Variants in ANKS1B observed in about 807,000 individuals in gnomAD.
The protein encoded by ANKS1B is ankyrin repeat and sterile alpha motif domain containing 1B.
Under a neutral mutation model 148.3 loss-of-function variants are expected in ANKS1B, and 36 were observed. The observed-to-expected ratio is 0.24, with a 90% CI of 0.19 to 0.32. ANKS1B has a LOEUF of 0.32. Among genes scored for constraint, ANKS1B ranks in the 10% least tolerant of loss-of-function variants. ANKS1B has a pLI of 1.00. For synonymous variants in ANKS1B, 542 were observed against 560.8 expected (o/e 0.97, Z 0.47); for missense variants, 1,157 against 1,542.6 (o/e 0.75, Z 4.19).
chr12:99,383,983 C>T (rs1593589554), intron 12 of ANKS1B, among the ~76,000 whole-genome samples: 2 of 152,022 alleles, frequency 1.3e-5, no homozygotes, highest in Admixed American at 1.3e-4. Flanking sequence ...GAGCTGTAAT[C>T]GTGCCACTGA....
At chr12:99,014,961 A>C (rs1342259012) in intron 17 of ANKS1B, among the ~76,000 whole-genome samples, 1 of 152,236 alleles carries the variant, frequency 6.6e-6, no homozygotes, top group Non-Finnish European at 1.5e-5. Context: ...CACTGTGGCC[A>C]TTCCTCAAAG....
intron 11 of ANKS1B, among the ~76,000 whole-genome samples, chr12:99,439,715 C>A (rs1003942299): frequency 6.6e-6 from 1 of 151,616 alleles, no homozygotes; most frequent in Admixed American, 6.6e-5. Context: ...AATGGAACAA[C>A]TTTTTTGGAA....
intron 25 of ANKS1B, among the ~76,000 whole-genome samples, chr12:98,765,247 G>T (rs1240192177): frequency 6.6e-6 from 1 of 152,142 alleles, no homozygotes; most frequent in South Asian, 2.1e-4. Flanking sequence ...TACAGATTAG[G>T]AAACTGAAGA....
intron 15 of ANKS1B, among the ~76,000 whole-genome samples, chr12:99,110,254 G>T (rs1238124145): frequency 6.6e-6 from 1 of 152,132 alleles, no homozygotes; most frequent in Non-Finnish European, 1.5e-5. Flanking sequence ...AGGAGTACTG[G>T]TCAATTATCC....
intron 17 of ANKS1B, among the ~76,000 whole-genome samples, chr12:99,025,975 C>T (rs776320400): frequency 6.6e-6 from 1 of 152,106 alleles, no homozygotes; most frequent in Non-Finnish European, 1.5e-5. Context: ...CCTTCAGTTC[C>T]CAGACCAATG....
At chr12:99,106,367 C>G (rs1566111223) in intron 15 of ANKS1B, among the ~76,000 whole-genome samples, 2 of 152,158 alleles carry the variant, frequency 1.3e-5, no homozygotes, top group African/African-American at 4.8e-5. Context: ...TGTTAAAATC[C>G]AGGGTTAGGA....
At chr12:99,478,541 G>T (rs896351869) in intron 10 of ANKS1B, among the ~76,000 whole-genome samples, 1 of 152,006 alleles carries the variant, frequency 6.6e-6, no homozygotes, top group Non-Finnish European at 1.5e-5. Flanking sequence ...CCAACTCATC[G>T]GGTATGCAAC....
chr12:99,129,555 G>A (rs1016968280), intron 15 of ANKS1B, among the ~76,000 whole-genome samples: 1 of 152,176 alleles, frequency 6.6e-6, no homozygotes, highest in African/African-American at 2.4e-5. Context: ...TGTAGGCCAA[G>A]GCTCAGTCTT....
At chr12:99,421,259 A>G (rs2095071634) in intron 11 of ANKS1B, among the ~76,000 whole-genome samples, 1 of 152,232 alleles carries the variant, frequency 6.6e-6, no homozygotes, top group Non-Finnish European at 1.5e-5. Flanking sequence ...TGAACAGTCC[A>G]GCAGAATCTC....
intron 17 of ANKS1B, among the ~76,000 whole-genome samples, chr12:98,919,056 A>G (rs1192547448): frequency 1.3e-5 from 2 of 152,058 alleles, no homozygotes; most frequent in African/African-American, 2.4e-5. Context: ...CAATATATTG[A>G]TATTTTCCTT....
Position 99,828,639 on chromosome 12 carries a change from T to C in ANKS1B, c.135-3250A>G, listed in dbSNP as rs59458659. Reference sequence around the variant, plus strand: ...GTTATCATTAATATCATCTCAATATTAGAAAAGATAATGAATGTAAGAACA... The same window carrying C: ...GTTATCATTAATATCATCTCAATATCAGAAAAGATAATGAATGTAAGAACA... On this transcript the variant is annotated intron_variant, in intron 1 of 26. Coordinates refer to ENST00000683438, the MANE Select transcript of ANKS1B (RefSeq NM_001352186.2). Among the ~76,000 whole-genome samples, 1,202 of 152,032 alleles carry C rather than the reference T, an allele frequency of 7.9e-3. 16 individuals are homozygous for C. Among genetic ancestry groups the C allele is most frequent in the African/African-American group, 0.027 (1,136 of 41,476 alleles).
chr12:99,954,807 A>G (rs1034443781), intron 1 of ANKS1B, among the ~76,000 whole-genome samples: 28 of 152,248 alleles, frequency 1.8e-4, no homozygotes, highest in African/African-American at 5.8e-4. Flanking sequence ...CCCGTCCCCA[A>G]CAAAAAAAAA....
chr12:99,663,646 TCTC>T (rs1228256272), intron 8 of ANKS1B, among the ~76,000 whole-genome samples: 1 of 152,044 alleles, frequency 6.6e-6, no homozygotes, highest in African/African-American at 2.4e-5. Flanking sequence ...ACTGAGTACA[TCTC>T]CTAGTATCTG....
chr12:99,155,151 T>G (rs1453445752), intron 14 of ANKS1B: 1 of 1,470,024 alleles, frequency 6.8e-7, no homozygotes, highest in African/African-American at 1.4e-5. Context: ...AAGCTTGAAC[T>G]ATAGCTTATA....
At chr12:99,795,386 A>T (rs963473237) in intron 4 of ANKS1B, among the ~76,000 whole-genome samples, 2 of 151,962 alleles carry the variant, frequency 1.3e-5, no homozygotes, top group African/African-American at 2.4e-5. Context: ...AGAGAAAAAA[A>T]ATCTATCAAC....
At chr12:98,936,975 G>A (rs1298487879) in intron 17 of ANKS1B, among the ~76,000 whole-genome samples, 1 of 152,192 alleles carries the variant, frequency 6.6e-6, no homozygotes, top group Non-Finnish European at 1.5e-5. Context: ...TTAAGTCCCT[G>A]TGTGACCCAG....
chr12:98,995,083 T>C (rs1167898190), intron 17 of ANKS1B, among the ~76,000 whole-genome samples: 1 of 152,240 alleles, frequency 6.6e-6, no homozygotes. Flanking sequence ...TCAGCACATG[T>C]GGTTTGTGTT....
intron 9 of ANKS1B, among the ~76,000 whole-genome samples, chr12:99,628,627 AC>A (rs1567513445): frequency 2.0e-5 from 3 of 152,314 alleles, no homozygotes; most frequent in Non-Finnish European, 4.4e-5. Context: ...ATAACAGAAT[AC>A]TTCAGACTGG....
intron 1 of ANKS1B, among the ~76,000 whole-genome samples, chr12:99,967,655 T>C (rs1021162695): frequency 3.3e-5 from 5 of 152,038 alleles, no homozygotes; most frequent in African/African-American, 9.7e-5. Context: ...ACACCTGTAA[T>C]CCCAGCACTT....
Sources: allele counts gnomAD v4.1 joint callset (sites outside exome capture counted in the v4.1 genomes callset), GRCh38; gene constraint gnomAD v4.1.1; transcripts MANE v1.5; gene names NCBI Gene and HGNC (gene_info 2026-07-23, HGNC 2026-07-21).